MYO1D: variants seen among roughly 807,000 people sequenced by gnomAD.
The protein encoded by MYO1D is unconventional myosin-Id.
Under a neutral mutation model 122.0 loss-of-function variants are expected in MYO1D, and 83 were observed. That is an observed-to-expected ratio of 0.68 (90% CI 0.57 to 0.82). The LOEUF (loss-of-function observed/expected upper bound fraction) is 0.82. Among genes scored for constraint, MYO1D ranks in the 40% least tolerant of loss-of-function variants. The pLI is 0.00. For missense variants in MYO1D, 1,157 were observed against 1,269.5 expected (o/e 0.91, Z 1.35); for synonymous variants, 464 against 446.9 (o/e 1.04, Z -0.48).
At chr17:32,540,239 A>T (rs1234625493) in intron 21 of MYO1D, among the ~76,000 whole-genome samples, 1 of 148,290 alleles carries the variant, frequency 6.7e-6, no homozygotes, top group East Asian at 2.0e-4. Context: ...CTGAGGCAGG[A>T]GAATTGCTTG....
chr17:32,822,737 G>A (rs138203602), intron 1 of MYO1D, among the ~76,000 whole-genome samples: 4,334 of 151,362 alleles, frequency 0.029, 97 homozygotes, highest in Middle Eastern at 0.048. Context: ...CAGACCGCGG[G>A]TGGCGGGCAG....
intron 19 of MYO1D, among the ~76,000 whole-genome samples, chr17:32,652,488 T>A (rs1306939016): frequency 6.6e-6 from 1 of 152,230 alleles, no homozygotes; most frequent in African/African-American, 2.4e-5. Context: ...TTACTGTCTC[T>A]TCTTGGATCA....
rs369037540 is a variant in MYO1D at position 32,635,325 on chromosome 17, A to T, written c.2709+3397T>A. 3.7e-3 allele frequency among the ~76,000 whole-genome samples: 569 copies of T among 152,302 alleles called. 4 individuals carry two copies. The highest frequency in any genetic ancestry group is 9.5e-3 in the South Asian group (46 of 4,824). The stretch of plus-strand genomic sequence containing the variant: ...GGCTAAACGATAGCAGGGTCCCTTA[A>T]AGCTGCCTTAAAACCTGAATGGTAG... On this transcript the variant is annotated intron_variant, in intron 20 of 21. Transcript: ENST00000318217.
chr17:32,831,648 C>T (rs561727483), intron 1 of MYO1D, among the ~76,000 whole-genome samples: 9 of 152,162 alleles, frequency 5.9e-5, no homozygotes, highest in Non-Finnish European at 1.0e-4. Flanking sequence ...ATTATTGATG[C>T]AATACAAAGT....
intron 1 of MYO1D, among the ~76,000 whole-genome samples, chr17:32,874,335 T>TCTTTGTGTCTCTGTCTCTCTC (rs2091210474): frequency 6.6e-6 from 1 of 152,178 alleles, no homozygotes; most frequent in African/African-American, 2.4e-5. Context: ...TGTCTCTCTC[T>TCTTTGTGTCTCTGTCTCTCTC]GTTTTCTTTC....
At chr17:32,549,382 C>T (rs117190032) in intron 21 of MYO1D, among the ~76,000 whole-genome samples, 1,562 of 152,326 alleles carry the variant, frequency 0.01, 15 homozygotes, top group Middle Eastern at 0.017. Flanking sequence ...AGGTGTGAGC[C>T]ACTGCACCCT....
In MYO1D at chr17:32,639,363, T is replaced by TGTGTGTGTG. The variant is rs1567923149; in HGVS notation, c.2596-529_2596-528insCACACACAC. The stretch of plus-strand genomic sequence containing the variant: ...CTAGATTATGAGATTGGGAGAAATT[T>TGTGTGTGTG]TGTGTGTGTGTGTGTGTGTGTGTGT... On this transcript the variant is annotated intron_variant, in intron 19 of 21. Transcript: ENST00000318217. Among the ~76,000 whole-genome samples the TGTGTGTGTG allele has an allele frequency of 2.1e-3, 266 of 128,262 alleles. 5 individuals carry two copies. The highest frequency in any genetic ancestry group is 7.9e-3 in the African/African-American group (247 of 31,302). The allele number at this position is 128,262 out of a possible 152,430, so 84.1% of individuals were successfully genotyped here.
chr17:32,663,272 G>A (rs1223168522), intron 16 of MYO1D, among the ~76,000 whole-genome samples: 1 of 152,174 alleles, frequency 6.6e-6, no homozygotes, highest in East Asian at 1.9e-4. Context: ...TCACTTGTCA[G>A]TGTGACCTGA....
chr17:32,611,795 T>C (rs377216644), intron 20 of MYO1D, among the ~76,000 whole-genome samples: 27 of 152,332 alleles, frequency 1.8e-4, no homozygotes, highest in African/African-American at 6.0e-4. Flanking sequence ...GCCGAGATCA[T>C]GCCACTGCCC....
chr17:32,762,887 A>G (rs1023209809), intron 8 of MYO1D, among the ~76,000 whole-genome samples: 19 of 151,094 alleles, frequency 1.3e-4, no homozygotes, highest in African/African-American at 4.6e-4. Flanking sequence ...AAAAAGAAAA[A>G]AAAAAAAAGA....
chr17:32,722,618 T>C (rs2089525382), intron 14 of MYO1D, among the ~76,000 whole-genome samples: 1 of 152,218 alleles, frequency 6.6e-6, no homozygotes, highest in Admixed American at 6.5e-5. Flanking sequence ...GCCCTTATTT[T>C]CAAGCCCATT....
chr17:32,697,555 T>G (rs1261998341), intron 16 of MYO1D, among the ~76,000 whole-genome samples: 1 of 152,004 alleles, frequency 6.6e-6, no homozygotes, highest in African/African-American at 2.4e-5. Context: ...GCTTTGTAAA[T>G]GCACCTTTCC....
At chr17:32,622,780 C>T (rs188033823) in intron 20 of MYO1D, among the ~76,000 whole-genome samples, 17 of 152,308 alleles carry the variant, frequency 1.1e-4, no homozygotes, top group Non-Finnish European at 2.5e-4. Flanking sequence ...GAGCACCTGA[C>T]TATGTGATAA....
chr17:32,565,776 G>C (rs1028355929), intron 21 of MYO1D, among the ~76,000 whole-genome samples: 53 of 152,172 alleles, frequency 3.5e-4, no homozygotes, highest in Admixed American at 7.9e-4. Context: ...TCAGGCTGGA[G>C]TGCAGTGGCG....
chr17:32,556,633 C>A (rs1490356280), intron 21 of MYO1D, among the ~76,000 whole-genome samples: 1 of 151,728 alleles, frequency 6.6e-6, no homozygotes, highest in East Asian at 1.9e-4. Flanking sequence ...GATCCTCCCA[C>A]CTCAGCCTCC....
chr17:32,519,604 C>T (rs1199283675), intron 21 of MYO1D, among the ~76,000 whole-genome samples: 1 of 151,746 alleles, frequency 6.6e-6, no homozygotes, highest in African/African-American at 2.4e-5. Flanking sequence ...CTCCTTGCAG[C>T]CCCCCGCAGC....
At chr17:32,588,205 A>C (rs1466808832) in intron 21 of MYO1D, among the ~76,000 whole-genome samples, 1 of 152,222 alleles carries the variant, frequency 6.6e-6, no homozygotes, top group African/African-American at 2.4e-5. Context: ...CAGTGTGTAG[A>C]GCTACCTTCT....
At chr17:32,517,313 T>C (rs1909924735) in intron 21 of MYO1D, among the ~76,000 whole-genome samples, 1 of 152,198 alleles carries the variant, frequency 6.6e-6, no homozygotes, top group Non-Finnish European at 1.5e-5. Context: ...AGAGAAGTCA[T>C]ATGAGCAGTA....
chr17:32,557,351 C>T (rs777877036), intron 21 of MYO1D, among the ~76,000 whole-genome samples: 9 of 151,914 alleles, frequency 5.9e-5, no homozygotes, highest in Non-Finnish European at 1.0e-4. Context: ...CTTCGTGATC[C>T]ACCTGCCTTG....
Sources: allele counts gnomAD v4.1 joint callset (sites outside exome capture counted in the v4.1 genomes callset), GRCh38; gene constraint gnomAD v4.1.1; transcripts MANE v1.5; gene names NCBI Gene and HGNC (gene_info 2026-07-23, HGNC 2026-07-21).